The following NDST3 variants were observed in gnomAD, a reference collection of about 807,000 sequenced individuals.
NDST3 encodes bifunctional heparan sulfate N-deacetylase/N-sulfotransferase 3.
In NDST3, 58 loss-of-function variants were observed where a neutral mutation model predicts 96.1. That is an observed-to-expected ratio of 0.60 (90% confidence interval 0.49 to 0.75). The LOEUF (loss-of-function observed/expected upper bound fraction) is 0.75, where lower values mean the gene tolerates loss of function less well. Ranked by LOEUF, NDST3 falls within the 30% of genes least tolerant of loss-of-function variation. The pLI is 0.00. For synonymous variants in NDST3, 333 were observed against 359.7 expected (o/e 0.93, Z 0.84); for missense variants, 788 against 1,034.2 (o/e 0.76, Z 3.27).
intron 6 of NDST3, among the ~76,000 whole-genome samples, chr4:118,188,813 A>G (rs926513163): frequency 6.6e-6 from 1 of 152,080 alleles, no homozygotes; most frequent in African/African-American, 2.4e-5. Context: ...AAAACACAGT[A>G]CCCTAAGATT....
chr4:118,244,395 C>T (rs1004147435), intron 12 of NDST3, among the ~76,000 whole-genome samples: 2 of 152,142 alleles, frequency 1.3e-5, no homozygotes, highest in Non-Finnish European at 2.9e-5. Context: ...GCCATTTATA[C>T]CAGTTTGTAT....
At chr4:118,104,417 T>C (rs960153879) in intron 2 of NDST3, among the ~76,000 whole-genome samples, 1 of 152,156 alleles carries the variant, frequency 6.6e-6, no homozygotes, top group Admixed American at 6.5e-5. Context: ...AAATATTTTA[T>C]AGGATATAAC....
rs563676143 is a variant in NDST3 at position 118,079,800 on chromosome 4, C to T, written c.981+24909C>T. Among the ~76,000 whole-genome samples the T allele has an allele frequency of 3.3e-5, 5 of 152,230 alleles. No individual in the cohort carries two copies. In the South Asian group the frequency reaches 1.0e-3, roughly 32 times the overall value. On this transcript the variant is annotated intron_variant, in intron 2 of 13. Coordinates refer to ENST00000296499, the MANE Select transcript of NDST3 (RefSeq NM_004784.3). ...AGGCAGGTGGCTACTGAATTAGACC[C>T]AACAAGTGATAGCGGTGGTAATAAA... is the stretch of plus-strand genomic sequence containing the variant.
rs1217328212 is a variant in NDST3, at chr4:118,193,939, G to A, written c.1540-30552G>A. 5.3e-6 allele frequency: 5 copies of A among 943,366 alleles called. No individual in the cohort carries two copies. The Admixed American group carries it at 8.7e-5, about 16-fold the overall frequency. The allele number at this position is 943,366 out of a possible 1,614,324, so 58.4% of individuals were successfully genotyped here. A position where few individuals can be genotyped will look rare whatever the true frequency, so the allele number is the denominator to read the frequency against. ...AAGCTTGCTTGTATTTGCCTTCCTTGAAGTACACAGTGTCCCACTCTTTCA... is the reference window on the plus strand; with the variant it reads ...AAGCTTGCTTGTATTTGCCTTCCTTAAAGTACACAGTGTCCCACTCTTTCA... On this transcript the variant is annotated intron_variant, in intron 6 of 13. Transcript: ENST00000296499.
At chr4:118,202,687 G>C (rs957296229) in intron 6 of NDST3, among the ~76,000 whole-genome samples, 6 of 152,152 alleles carry the variant, frequency 3.9e-5, no homozygotes, top group African/African-American at 1.2e-4. Context: ...CTTTACTAAA[G>C]GTGTTTATCT....
intron 6 of NDST3, among the ~76,000 whole-genome samples, chr4:118,161,706 G>GT (rs1216597596): frequency 3.3e-5 from 5 of 152,150 alleles, no homozygotes; most frequent in Non-Finnish European, 5.9e-5. Context: ...CTGGTGTGCC[G>GT]TTTTTTAAGC....
At chr4:118,217,331 C>T (rs1457572786) in intron 6 of NDST3, among the ~76,000 whole-genome samples, 4 of 152,096 alleles carry the variant, frequency 2.6e-5, no homozygotes, top group African/African-American at 9.7e-5. Flanking sequence ...CTTAGGTTGA[C>T]ACACTGAACT....
chr4:118,145,349 T>C (rs1184261767), intron 6 of NDST3, among the ~76,000 whole-genome samples: 1 of 152,216 alleles, frequency 6.6e-6, no homozygotes, highest in East Asian at 1.9e-4. Context: ...TTTACTTTCA[T>C]CATAGAGCAA....
chr4:118,197,050 T>C (rs57273623), intron 6 of NDST3, among the ~76,000 whole-genome samples: 12,811 of 151,988 alleles, frequency 0.084, 1,270 homozygotes, highest in African/African-American at 0.25. Flanking sequence ...TCCATTATCA[T>C]TTTTTCCAAG....
chr4:118,116,898 C>T (rs1026023190), intron 4 of NDST3, among the ~76,000 whole-genome samples: 1 of 151,916 alleles, frequency 6.6e-6, no homozygotes, highest in African/African-American at 2.4e-5. Context: ...AATACATATG[C>T]TAGAACAGGC....
At chr4:118,073,001 T>C (rs1394658752) in intron 2 of NDST3, among the ~76,000 whole-genome samples, 1 of 152,204 alleles carries the variant, frequency 6.6e-6, no homozygotes, top group Non-Finnish European at 1.5e-5. Flanking sequence ...TTTTTGTTTT[T>C]AATTCTGTTT....
intron 2 of NDST3, among the ~76,000 whole-genome samples, chr4:118,089,117 C>T (rs947321888): frequency 6.6e-6 from 1 of 151,806 alleles, no homozygotes. Flanking sequence ...CTATAGTAAA[C>T]ACAGACATGG....
At chr4:118,084,839 G>C (rs1205472559) in intron 2 of NDST3, among the ~76,000 whole-genome samples, 1 of 152,110 alleles carries the variant, frequency 6.6e-6, no homozygotes, top group African/African-American at 2.4e-5. Context: ...AACTGGAATG[G>C]GCCAAGCGCG....
chr4:118,216,370 T>TAATATATC (rs1317885804), intron 6 of NDST3, among the ~76,000 whole-genome samples: 1 of 152,070 alleles, frequency 6.6e-6, no homozygotes, highest in Non-Finnish European at 1.5e-5. Context: ...AAAATAACAA[T>TAATATATC]AATATATCAA....
At chr4:118,123,580 C>G (rs770376302) in intron 4 of NDST3, among the ~76,000 whole-genome samples, 2 of 152,034 alleles carry the variant, frequency 1.3e-5, no homozygotes, top group Non-Finnish European at 2.9e-5. Context: ...TAAACCTTTT[C>G]TTGTGTTTAC....
chr4:118,159,422 T>C (rs1170571537), intron 6 of NDST3, among the ~76,000 whole-genome samples: 1 of 152,184 alleles, frequency 6.6e-6, no homozygotes. Flanking sequence ...CCTCAGAATC[T>C]CTTACTTGGC....
At chr4:118,232,899 G>A in intron 8 of NDST3, 113 bp from the exon 9 acceptor site, 1 of 1,054,684 alleles carries the variant, frequency 9.5e-7, no homozygotes, top group Admixed American at 2.3e-5. Context: ...TCCAGCAGTA[G>A]TTGTAATAAA....
At chr4:118,061,741 T>C (rs1473947377) in intron 2 of NDST3, among the ~76,000 whole-genome samples, 3 of 152,140 alleles carry the variant, frequency 2.0e-5, no homozygotes, top group African/African-American at 7.2e-5. Flanking sequence ...TATATATTTG[T>C]TGGATGAATG....
At chr4:118,116,438 A>G (rs1731117966) in intron 4 of NDST3, among the ~76,000 whole-genome samples, 1 of 152,168 alleles carries the variant, frequency 6.6e-6, no homozygotes, top group East Asian at 1.9e-4. Flanking sequence ...GATAAAAGAC[A>G]TGTCATTCAC....
Sources: allele counts gnomAD v4.1 joint callset (sites outside exome capture counted in the v4.1 genomes callset), GRCh38; gene constraint gnomAD v4.1.1; transcripts MANE v1.5; gene names NCBI Gene and HGNC (gene_info 2026-07-23, HGNC 2026-07-21).